The following PCGF5 variants were observed in gnomAD, a reference collection of about 807,000 sequenced individuals.
The protein encoded by PCGF5 is polycomb group RING finger protein 5.
PCGF5 carries 9 observed loss-of-function variants against 44.3 expected under a neutral mutation model. The ratio of observed to expected loss-of-function variants is 0.20; its 90% CI spans 0.12 to 0.35. The LOEUF (loss-of-function observed/expected upper bound fraction) is 0.35, where lower values mean the gene tolerates loss of function less well. PCGF5 is among the 10% of genes least tolerant of loss of function. The pLI is 1.00. For missense variants in PCGF5, 146 were observed against 305.3 expected (o/e 0.48, Z 3.89); for synonymous variants, 95 against 102.5 (o/e 0.93, Z 0.44).
At chr10:91,174,970 G>C (rs12781768) in intron 1 of PCGF5, among the ~76,000 whole-genome samples, 54,801 of 152,154 alleles carry the variant, frequency 0.36, 10,692 homozygotes, top group East Asian at 0.52. Flanking sequence ...AACTGCCTTA[G>C]TATAACAGAG....
rs200571872 is a variant in PCGF5, at chr10:91,166,544, G to GT, written c.-184+3472dup. Among the ~76,000 whole-genome samples the GT allele has an allele frequency of 5.2e-4, 79 of 151,596 alleles. No homozygotes were observed. The East Asian group carries it at 7.7e-3, about 15-fold the overall frequency. On this transcript the variant is annotated intron_variant, in intron 1 of 9. Transcript: ENST00000614189. The stretch of plus-strand genomic sequence containing the variant: ...CTACTGTTTAATTTTTATGCCTCCA[G>GT]TTTTTTTTTAAAGTCTTAAAACTTG...
intron 1 of PCGF5, among the ~76,000 whole-genome samples, chr10:91,188,725 A>T (rs1843972608): frequency 6.6e-6 from 1 of 152,060 alleles, no homozygotes; most frequent in African/African-American, 2.4e-5. Context: ...GTCCTCTGTT[A>T]TGGAGGTAGT....
At chr10:91,261,565 C>T (rs182405295) in intron 7 of PCGF5, 141 bp downstream of exon 7, 14,670 of 1,108,166 alleles carry the variant, frequency 0.013, 118 homozygotes, top group Non-Finnish European at 0.016. Context: ...ATTTAATTTT[C>T]AGAATGTATT....
At chr10:91,231,970 G>A (rs1712145246) in intron 2 of PCGF5, among the ~76,000 whole-genome samples, 1 of 152,128 alleles carries the variant, frequency 6.6e-6, no homozygotes, top group South Asian at 2.1e-4. Context: ...TGTCCATTTG[G>A]GAGTTGGACT....
At chr10:91,274,679 A>G (rs1846263370) in intron 9 of PCGF5, among the ~76,000 whole-genome samples, 1 of 152,248 alleles carries the variant, frequency 6.6e-6, no homozygotes, top group African/African-American at 2.4e-5. Flanking sequence ...TTAATAAGAT[A>G]GCCAAGAGAA....
At chr10:91,231,544 G>C (rs1002243572) in intron 2 of PCGF5, among the ~76,000 whole-genome samples, 1 of 152,320 alleles carries the variant, frequency 6.6e-6, no homozygotes, top group South Asian at 2.1e-4. Context: ...TGACTGAGTT[G>C]TTGAGAAATG....
chr10:91,223,873 C>G (rs1217931028), intron 2 of PCGF5, among the ~76,000 whole-genome samples: 1 of 152,098 alleles, frequency 6.6e-6, no homozygotes, highest in African/African-American at 2.4e-5. Flanking sequence ...CTTGTCTAGT[C>G]TCATAGCTAA....
At chr10:91,210,496 T>C (rs192391180) in intron 1 of PCGF5, among the ~76,000 whole-genome samples, 2 of 152,326 alleles carry the variant, frequency 1.3e-5, no homozygotes, top group Admixed American at 1.3e-4. Flanking sequence ...AATGTCAAAC[T>C]GGATAACTGG....
At chr10:91,181,968 A>T (rs1843825720) in intron 1 of PCGF5, among the ~76,000 whole-genome samples, 1 of 151,666 alleles carries the variant, frequency 6.6e-6, no homozygotes, top group Non-Finnish European at 1.5e-5. Context: ...ACAATTTCAG[A>T]ACTCATTATT....
chr10:91,275,379 A>T (rs1039161437), intron 9 of PCGF5, among the ~76,000 whole-genome samples: 1 of 152,066 alleles, frequency 6.6e-6, no homozygotes. Context: ...CTCATTATTG[A>T]TGAGGCTATA....
At chr10:91,277,462 T>TAAGATATGGTACAGGGTAAA (rs1472970363) in intron 9 of PCGF5, among the ~76,000 whole-genome samples, 232 of 152,340 alleles carry the variant, frequency 1.5e-3, no homozygotes, top group Admixed American at 1.3e-3. Context: ...TTTGGTTCTA[T>TAAGATATGGTACAGGGTAAA]AAGATATGGT....
intron 3 of PCGF5, among the ~76,000 whole-genome samples, chr10:91,245,264 G>A (rs1263514586): frequency 2.0e-5 from 3 of 152,176 alleles, no homozygotes; most frequent in Non-Finnish European, 4.4e-5. Context: ...TGTGTCATTT[G>A]TTGTTCATGG....
intron 1 of PCGF5, among the ~76,000 whole-genome samples, chr10:91,168,414 T>G: frequency 6.6e-6 from 1 of 152,096 alleles, no homozygotes; most frequent in Non-Finnish European, 1.5e-5. Context: ...AAAAGGACAT[T>G]AGATTTGTCA....
Position 91,197,019 on chromosome 10 carries a change from A to T in PCGF5, c.-183-25670A>T, listed in dbSNP as rs191692672. Among the ~76,000 whole-genome samples, 3 of 152,296 alleles carry T rather than the reference A, an allele frequency of 2.0e-5. No homozygotes were observed. In the East Asian group the frequency reaches 5.8e-4, roughly 29 times the overall value. On this transcript the variant is annotated intron_variant, in intron 1 of 9. Transcript: ENST00000614189. ...AATCTCTTTTTAAACAACAACAACA[A>T]AAAAAACATGATGTGGTTTTTATAT...
chr10:91,168,929 G>GA lies in PCGF5; in HGVS notation c.-184+5877dup, dbSNP rs57345364. Among the ~76,000 whole-genome samples the GA allele has an allele frequency of 9.8e-3, 550 of 56,206 alleles. 39 individuals carry two copies. Among genetic ancestry groups the GA allele is most frequent in the Non-Finnish European group, 0.013 (387 of 30,814 alleles). 36.9% of individuals were successfully genotyped at this position (56,206 alleles called of 152,430 possible). The stretch of plus-strand genomic sequence containing the variant: ...GGCGACAGTGTGAGACTCCGTCTCA[G>GA]AAAAAAAAAAAAAAAAAAAAAAAAA... On this transcript the variant is annotated intron_variant, in intron 1 of 9. Coordinates refer to the PCGF5 transcript ENST00000614189.
chr10:91,253,211 G>T (rs2936565), intron 6 of PCGF5, among the ~76,000 whole-genome samples: 117,090 of 151,844 alleles, frequency 0.77, 45,897 homozygotes, highest in African/African-American at 0.89. Flanking sequence ...GGTTCAGGAG[G>T]ACATGTGCAG....
chr10:91,246,825 T>C (rs1845471749), intron 3 of PCGF5, among the ~76,000 whole-genome samples: 1 of 152,060 alleles, frequency 6.6e-6, no homozygotes, highest in Non-Finnish European at 1.5e-5. Context: ...TAGTATTTTA[T>C]TGGAGGAGGA....
At chr10:91,189,169 A>G (rs575858267) in intron 1 of PCGF5, among the ~76,000 whole-genome samples, 45 of 152,330 alleles carry the variant, frequency 3.0e-4, no homozygotes, top group African/African-American at 1.0e-3. Flanking sequence ...TCTGAAACAC[A>G]TTCCTTCTCT....
At chr10:91,162,926 C>T, upstream of PCGF5, 1 of 145,784 alleles carries the variant, frequency 6.9e-6, no homozygotes, top group South Asian at 1.8e-4. Flanking sequence ...GCCCGCCCGC[C>T]GGGCCGGCCC....
Sources: gnomAD v4.1 joint callset for allele counts (sites outside exome capture counted in the v4.1 genomes callset) on GRCh38, gnomAD v4.1.1 for gene constraint, MANE v1.5 for transcripts, NCBI Gene and HGNC (gene_info 2026-07-23, HGNC 2026-07-21) for gene names.